Variants in DPPA4 observed in about 807,000 individuals in gnomAD.
DPPA4 encodes developmental pluripotency-associated protein 4.
A neutral mutation model predicts 33.7 loss-of-function variants in DPPA4; 22 were observed. The ratio of observed to expected loss-of-function variants is 0.65; its 90% confidence interval spans 0.47 to 0.93. DPPA4 has a LOEUF of 0.93. DPPA4 is among the 40% of genes least tolerant of loss of function. The pLI is 0.00. For synonymous variants in DPPA4, 156 were observed against 132.3 expected (o/e 1.18, Z -1.23); for missense variants, 340 against 358.6 (o/e 0.95, Z 0.42).
At chr3:109,332,861 G>A (rs9876515) in intron 2 of DPPA4, among the ~76,000 whole-genome samples, 58,383 of 151,944 alleles carry the variant, frequency 0.38, 13,582 homozygotes, top group East Asian at 0.72. Flanking sequence ...GGAGGCCGAG[G>A]TGGGTGGATA....
At chr3:109,330,118 A>G (rs147475605) in intron 5 of DPPA4, 338 of 232,562 alleles carry the variant, frequency 1.5e-3, no homozygotes, top group African/African-American at 7.2e-3. Context: ...CCTGACCAAC[A>G]TGGAGAAACC....
chr3:109,337,235 A>G lies in DPPA4; in HGVS notation c.54+229T>C, dbSNP rs111880690. Reference sequence around the variant, plus strand: ...TTTTCCCCATCTTTTGACACACTCAACCTCCTCAACTAAACCTAGAAAACC... The same window carrying G: ...TTTTCCCCATCTTTTGACACACTCAGCCTCCTCAACTAAACCTAGAAAACC... On this transcript the variant is annotated intron_variant, in intron 1 of 6. Coordinates refer to ENST00000335658, the MANE Select transcript of DPPA4 (RefSeq NM_018189.4). Among the ~76,000 whole-genome samples the G allele has an allele frequency of 6.7e-3, 982 of 146,992 alleles. 13 individuals are homozygous for G. The highest frequency in any genetic ancestry group is 0.023 in the African/African-American group (898 of 39,720).
intron 2 of DPPA4, among the ~76,000 whole-genome samples, chr3:109,333,079 C>G (rs1708115535): frequency 6.6e-6 from 1 of 151,800 alleles, no homozygotes. Context: ...TGGTGCCTCA[C>G]ACCTGTAACC....
intron 6 of DPPA4, 49 bp downstream of exon 6, chr3:109,328,841 G>GA (rs751646325): frequency 2.9e-4 from 439 of 1,534,164 alleles, no homozygotes; most frequent in Non-Finnish European, 3.5e-4. Context: ...TTCTGCAATT[G>GA]AAAATCCGGC....
At chr3:109,336,807 G>T (rs2107354046) in intron 1 of DPPA4, among the ~76,000 whole-genome samples, 1 of 152,276 alleles carries the variant, frequency 6.6e-6, no homozygotes, top group Middle Eastern at 3.4e-3. Context: ...TTGAGCCTGG[G>T]CGGTTACAGT....
In DPPA4 at chr3:109,335,245, C is replaced by T. The variant is rs117540505; in HGVS notation, c.55-1252G>A. Among the ~76,000 whole-genome samples the T allele has an allele frequency of 6.4e-3, 980 of 152,246 alleles. 48 individuals carry two copies. The East Asian group carries it at 0.11, about 17-fold the overall frequency. Reference sequence around the variant, plus strand: ...ATAGCTCACTCCAAGCTCTACCTCCCGGGTTCAAGTGATCTTTTGCCTCAG... The same window carrying T: ...ATAGCTCACTCCAAGCTCTACCTCCTGGGTTCAAGTGATCTTTTGCCTCAG... On this transcript the variant is annotated intron_variant, in intron 1 of 6. Transcript: ENST00000335658.
At chr3:109,331,451 G>C (rs1299026223) in intron 4 of DPPA4, among the ~76,000 whole-genome samples, 4 of 147,496 alleles carry the variant, frequency 2.7e-5, no homozygotes, top group Non-Finnish European at 3.0e-5. Context: ...GGCTGAGGCA[G>C]GAGAATTGCT....
chr3:109,328,610 T>C (rs1262205317), intron 6 of DPPA4, among the ~76,000 whole-genome samples: 1 of 152,216 alleles, frequency 6.6e-6, no homozygotes, highest in Non-Finnish European at 1.5e-5. Flanking sequence ...TTTTTGCTAG[T>C]CATTATTTCT....
chr3:109,333,497 A>G (rs1708127828), intron 2 of DPPA4: 1 of 205,832 alleles, frequency 4.9e-6, no homozygotes, highest in Admixed American at 5.6e-5. Context: ...CCCACCGCTT[A>G]ATAAAGGTAG....
At chr3:109,338,877 T>C (rs1708260317), upstream of DPPA4, among the ~76,000 whole-genome samples, 1 of 151,314 alleles carries the variant, frequency 6.6e-6, no homozygotes, top group Non-Finnish European at 1.5e-5. Context: ...GTCAGTGTAA[T>C]TGAACGTAAC....
At chr3:109,332,203 G>A (rs1455204927) in intron 2 of DPPA4, 172 bp from the exon 3 acceptor site, 2 of 474,170 alleles carry the variant, frequency 4.2e-6, no homozygotes, top group African/African-American at 3.9e-5. Context: ...GTGGGTTCAA[G>A]TGATTCTCCT....
rs1471987090 is a variant in DPPA4 at position 109,326,380 on chromosome 3, A to G, written c.*1608T>C. 1 of 150,014 alleles carries G rather than the reference A, an allele frequency of 6.7e-6. No individual in the cohort carries two copies. Among genetic ancestry groups the G allele is most frequent in the African/African-American group, 2.5e-5 (1 of 39,324 alleles). 9.3% of individuals were successfully genotyped at this position (150,014 alleles called of 1,614,324 possible). A position where few individuals can be genotyped will look rare whatever the true frequency, so the allele number is the denominator to read the frequency against. On this transcript the variant is annotated 3_prime_UTR_variant, in exon 7 of 7. Coordinates refer to ENST00000335658, the MANE Select transcript of DPPA4 (RefSeq NM_018189.4). The stretch of plus-strand genomic sequence containing the variant: ...TAAGAAAAAATGTCTATTATTTATT[A>G]CACAATAATTCTGACCACCAACAAC...
At chr3:109,334,021 T>C in intron 1 of DPPA4, 28 bp from the exon 2 acceptor site, 1 of 1,612,902 alleles carries the variant, frequency 6.2e-7, no homozygotes, top group African/African-American at 1.3e-5. Flanking sequence ...TGGTCAGTCA[T>C]TCCTCTAGTG....
intron 4 of DPPA4, among the ~76,000 whole-genome samples, 191 bp downstream of exon 4, chr3:109,331,543 C>CAAAAAAAAAAAAAAAAAAAAAAAA (rs62827961): frequency 1.4e-5 from 1 of 71,470 alleles, no homozygotes; most frequent in Non-Finnish European, 2.5e-5. Flanking sequence ...GACTCTGTCT[C>CAAAAAAAAAAAAAAAAAAAAAAAA]AAAAAAAAAA....
rs775448792 is a variant in DPPA4, at chr3:109,330,458, A to G, written c.679+66T>C. ...ATTTTGATATACCCTAAAATGTACC[A>G]GTGATTAATATCTACTAAGCTTATT... On this transcript the variant is annotated intron_variant, in intron 5 of 6. Transcript: ENST00000335658. 5.1e-6 allele frequency: 8 copies of G among 1,570,212 alleles called. No homozygotes were observed. The South Asian group carries it at 8.9e-5, about 18-fold the overall frequency.
At chr3:109,334,092 T>C in intron 1 of DPPA4, 99 bp from the exon 2 acceptor site, 1 of 1,311,800 alleles carries the variant, frequency 7.6e-7, no homozygotes, top group South Asian at 1.4e-5. Context: ...CCAACGCAGT[T>C]ACTGGACTCC....
chr3:109,334,043 C>T (rs371811405), intron 1 of DPPA4, 50 bp from the exon 2 acceptor site: 163 of 1,602,830 alleles, frequency 1.0e-4, no homozygotes, highest in Non-Finnish European at 1.3e-4. Flanking sequence ...CCAAACCACA[C>T]ATACACTACC....
At chr3:109,331,295 A>G (rs528083951) in intron 4 of DPPA4, among the ~76,000 whole-genome samples, 12 of 147,900 alleles carry the variant, frequency 8.1e-5, no homozygotes, top group African/African-American at 2.7e-4. Flanking sequence ...GAAAGAAAAG[A>G]AAAGAAAAGA....
At position 109,326,614 on chromosome 3, in the gene DPPA4, C is replaced by T. The variant is rs902387584; in HGVS notation, c.*1374G>A. ...AAAAAAGATCCCCTACTTGTAATAA[C>T]AAAACAATGTTGGAAACTGTCATTA... is the stretch of plus-strand genomic sequence containing the variant. On this transcript the variant is annotated 3_prime_UTR_variant, in exon 7 of 7. Coordinates refer to ENST00000335658, the MANE Select transcript of DPPA4 (RefSeq NM_018189.4). 6.6e-6 allele frequency: 1 copy of T among 151,818 alleles called. No homozygotes were observed. The highest frequency in any genetic ancestry group is 2.4e-5 in the African/African-American group (1 of 41,326). 9.4% of individuals were successfully genotyped at this position (151,818 alleles called of 1,614,324 possible).
Sources: gnomAD v4.1 joint callset for allele counts (sites outside exome capture counted in the v4.1 genomes callset) on GRCh38, gnomAD v4.1.1 for gene constraint, MANE v1.5 for transcripts, NCBI Gene and HGNC (gene_info 2026-07-23, HGNC 2026-07-21) for gene names.